The following ACSM3 variants were observed in gnomAD, a reference collection of about 807,000 sequenced individuals.
The protein encoded by ACSM3 is acyl-CoA synthetase medium chain family member 3.
A neutral mutation model predicts 74.1 loss-of-function variants in ACSM3; 61 were observed. The observed-to-expected ratio is 0.82, with a 90% CI of 0.67 to 1.02. The LOEUF is 1.02. Among genes scored for constraint, ACSM3 ranks in the 50% least tolerant of loss-of-function variants. ACSM3 has a pLI of 0.00. For missense variants in ACSM3, 660 were observed against 697.0 expected (o/e 0.95, Z 0.60); for synonymous variants, 213 against 241.5 (o/e 0.88, Z 1.09).
chr16:20,753,732 G>C (rs1333428852), intron 2 of ACSM3, among the ~76,000 whole-genome samples: 1 of 152,008 alleles, frequency 6.6e-6, no homozygotes, highest in Non-Finnish European at 1.5e-5. Context: ...GTAAAAAGGA[G>C]ACAAGTAATG....
chr16:20,727,396 C>G, intron 1 of ACSM3: 2 of 569,890 alleles, frequency 3.5e-6, no homozygotes, highest in Non-Finnish European at 6.8e-6. Flanking sequence ...GCCCTCACCC[C>G]GGAGGTGCTG....
At chr16:20,780,184 C>T (rs11648370) in intron 4 of ACSM3, 1 of 178,324 alleles carries the variant, frequency 5.6e-6, no homozygotes, top group South Asian at 1.2e-4. Context: ...ACCACAGGTA[C>T]TACCTCAATG....
chr16:20,691,749 CAATGTG>C (rs1307986081), intron 1 of ACSM3, among the ~76,000 whole-genome samples: 6 of 122,486 alleles, frequency 4.9e-5, no homozygotes, highest in African/African-American at 2.0e-4. Context: ...AATACCTCTC[CAATGTG>C]TGTGTGTGTG....
chr16:20,753,462 C>CAA (rs36090074), intron 2 of ACSM3, among the ~76,000 whole-genome samples: 48,104 of 101,214 alleles, frequency 0.48, 12,023 homozygotes, highest in Non-Finnish European at 0.62. Flanking sequence ...AGACTGTCTC[C>CAA]AAAAAAAAAA....
chr16:20,716,928 T>G (rs182800671), intron 1 of ACSM3, among the ~76,000 whole-genome samples: 6 of 152,330 alleles, frequency 3.9e-5, no homozygotes, highest in Non-Finnish European at 8.8e-5. Context: ...ACAGAGATTG[T>G]TATCAGTTAG....
intron 9 of ACSM3, among the ~76,000 whole-genome samples, chr16:20,789,921 G>T (rs535312820): frequency 1.3e-5 from 2 of 151,624 alleles, no homozygotes; most frequent in Middle Eastern, 3.4e-3. Context: ...CGATCCACCC[G>T]CCTCGGCCTC....
At chr16:20,763,566 G>A (rs546778797), upstream of ACSM3, 3 of 152,398 alleles carry the variant, frequency 2.0e-5, no homozygotes, top group African/African-American at 7.2e-5. Flanking sequence ...TTTACCTGGA[G>A]TGGAAAAAGA....
chr16:20,753,156 A>G (rs2080001436), intron 2 of ACSM3, among the ~76,000 whole-genome samples: 1 of 152,016 alleles, frequency 6.6e-6, no homozygotes, highest in South Asian at 2.1e-4. Context: ...AAACAAATGT[A>G]AAACAAAATT....
intron 1 of ACSM3, among the ~76,000 whole-genome samples, chr16:20,747,024 A>T (rs1205758385): frequency 6.6e-6 from 1 of 151,708 alleles, no homozygotes; most frequent in Non-Finnish European, 1.5e-5. Context: ...CTCCTTTGAG[A>T]TTTGGTTGAA....
intron 1 of ACSM3, chr16:20,682,065 C>T (rs1353237962): frequency 2.3e-5 from 13 of 563,330 alleles, no homozygotes; most frequent in Non-Finnish European, 9.5e-6. Flanking sequence ...GATCTCCCCT[C>T]TCACCCCATG....
chr16:20,754,190 G>C (rs751997190), intron 2 of ACSM3, among the ~76,000 whole-genome samples: 9 of 152,186 alleles, frequency 5.9e-5, no homozygotes, highest in Non-Finnish European at 1.2e-4. Flanking sequence ...TGAAATAAGA[G>C]GGGAGAAGGA....
chr16:20,783,831 G>A (rs897745529), intron 7 of ACSM3, among the ~76,000 whole-genome samples: 4 of 145,320 alleles, frequency 2.8e-5, no homozygotes, highest in South Asian at 2.2e-4. Flanking sequence ...TTTTTGAGAC[G>A]GAGTCTTGCT....
At chr16:20,690,560 A>T (rs1273012008) in intron 1 of ACSM3, among the ~76,000 whole-genome samples, 1 of 152,214 alleles carries the variant, frequency 6.6e-6, no homozygotes, top group East Asian at 1.9e-4. Context: ...ACTCATGTGC[A>T]CATTCAGGTG....
At chr16:20,707,988 T>A (rs1387228492) in intron 1 of ACSM3, among the ~76,000 whole-genome samples, 6 of 152,106 alleles carry the variant, frequency 3.9e-5, no homozygotes, top group Admixed American at 1.3e-4. Flanking sequence ...AAATGAAATT[T>A]AAAAAAATAA....
In ACSM3 at chr16:20,797,134, T is replaced by C; in HGVS notation, c.*162T>C. The C allele has an allele frequency of 6.6e-6, 9 of 1,367,100 alleles. No homozygotes were observed. The highest frequency in any genetic ancestry group is 7.5e-6 in the Non-Finnish European group (8 of 1,061,776). The allele number at this position is 1,367,100 out of a possible 1,614,324, so 84.7% of individuals were successfully genotyped here. ...TGATATCAGAGGCTAAATTTTGAAA[T>C]AAAATATTTGGCAAATTCCTCCACA... is the stretch of plus-strand genomic sequence containing the variant. On this transcript the variant is annotated 3_prime_UTR_variant, in exon 14 of 14. Transcript: ENST00000289416.
chr16:20,736,745 T>C lies in ACSM3; in HGVS notation c.-189-13165T>C, dbSNP rs190709829. 1.6e-3 allele frequency: 1,409 copies of C among 860,130 alleles called. 3 individuals are homozygous for C. Among genetic ancestry groups the C allele is most frequent in the Non-Finnish European group, 2.0e-3 (1,125 of 564,936 alleles). 53.3% of individuals were successfully genotyped at this position (860,130 alleles called of 1,614,324 possible). Reference sequence around the variant, plus strand: ...AACTGTTAACAGGGCTGCGCAATCATTGCTCACTACTGTGAGAACAGCATA... The same window carrying C: ...AACTGTTAACAGGGCTGCGCAATCACTGCTCACTACTGTGAGAACAGCATA... On this transcript the variant is annotated intron_variant, in intron 1 of 3. Coordinates refer to the ACSM3 transcript ENST00000561584.
chr16:20,726,409 G>A (rs891422010), intron 1 of ACSM3, among the ~76,000 whole-genome samples: 2 of 152,234 alleles, frequency 1.3e-5, no homozygotes, highest in African/African-American at 4.8e-5. Flanking sequence ...AAGAGGGAAA[G>A]TGCTATGCAA....
At position 20,781,086 on chromosome 16, in the gene ACSM3, T is replaced by G. The variant is rs1331378620; in HGVS notation, c.895T>G (p.Phe299Val). Residue 299 changes from phenylalanine (F) to valine (V), a missense_variant, in exon 6 of 14, where the codon TTC (phenylalanine) becomes GTC (valine). By Grantham distance (50) the Phe-to-Val change is conservative (BLOSUM62 -1). Coordinates refer to ENST00000289416, the MANE Select transcript of ACSM3 (RefSeq NM_005622.4). ...FSPWIQGACV[F>V]THHLPRFEPT... ...TCCGTGGATCCAGGGAGCATGTGTA[T>G]TCACACACCATTTACCCCGTTTTGA... The G allele has an allele frequency of 2.5e-6, 4 of 1,614,056 alleles. No individual in the cohort carries two copies. In the African/African-American group the frequency reaches 4.0e-5, roughly 16 times the overall value.
At chr16:20,777,912 A>T (rs963164250) in intron 4 of ACSM3, among the ~76,000 whole-genome samples, 3 of 152,240 alleles carry the variant, frequency 2.0e-5, no homozygotes, top group Non-Finnish European at 4.4e-5. Context: ...CAAAGCTTTC[A>T]GTCAACCCAC....
Sources: allele counts gnomAD v4.1 joint callset (sites outside exome capture counted in the v4.1 genomes callset), GRCh38; gene constraint gnomAD v4.1.1; transcripts MANE v1.5; gene names NCBI Gene and HGNC (gene_info 2026-07-23, HGNC 2026-07-21).